ASPH: variants seen among roughly 807,000 people sequenced by gnomAD.
ASPH encodes the protein aspartyl/asparaginyl beta-hydroxylase.
In ASPH, 100 loss-of-function variants were observed where a neutral mutation model predicts 118.4. The ratio of observed to expected loss-of-function variants is 0.84; its 90% CI spans 0.72 to 1.00. The LOEUF is 1.00. Among genes scored for constraint, ASPH ranks in the 50% least tolerant of loss-of-function variants. The probability of loss-of-function intolerance (pLI) is 0.00; values close to 1 mark genes in which losing one functional copy is unlikely to be tolerated. For synonymous variants in ASPH, 315 were observed against 325.6 expected (o/e 0.97, Z 0.35); for missense variants, 920 against 919.5 (o/e 1.00, Z -0.01).
intron 15 of ASPH, chr8:61,579,743 A>G (rs1227102143): frequency 1.1e-5 from 10 of 874,996 alleles, no homozygotes. Context: ...GCCACTATTC[A>G]GGGTAGCACT....
rs73685082 is a variant in ASPH at position 61,546,593 on chromosome 8, G to A, written c.1764+1478C>T. 8.0e-3 allele frequency among the ~76,000 whole-genome samples: 1,220 copies of A among 152,298 alleles called. 13 individuals are homozygous for A. The highest frequency in any genetic ancestry group is 0.028 in the African/African-American group (1,170 of 41,554). On this transcript the variant is annotated intron_variant, in intron 21 of 24. Transcript: ENST00000379454. ...CTGTATTAATTGTCACCATGCCATGGTTCCCTGAGCTATAAAATATTCAAA... is the reference window on the plus strand; with the variant it reads ...CTGTATTAATTGTCACCATGCCATGATTCCCTGAGCTATAAAATATTCAAA...
chr8:61,548,325 T>A (rs1368652487), intron 20 of ASPH, 117 bp from the exon 21 acceptor site: 1 of 1,220,334 alleles, frequency 8.2e-7, no homozygotes, highest in Non-Finnish European at 1.1e-6. Flanking sequence ...AATAAAGAGC[T>A]TACTGCTAGG....
chr8:61,546,577 T>C (rs766872141), intron 21 of ASPH, among the ~76,000 whole-genome samples: 10 of 152,224 alleles, frequency 6.6e-5, no homozygotes, highest in Non-Finnish European at 1.3e-4. Flanking sequence ...TCTGTATTAA[T>C]TGTCACCATG....
chr8:61,648,229 T>C (rs1809041377), intron 5 of ASPH, among the ~76,000 whole-genome samples: 1 of 152,200 alleles, frequency 6.6e-6, no homozygotes, highest in African/African-American at 2.4e-5. Flanking sequence ...TTATCACCAT[T>C]ATTACAGTAA....
chr8:61,712,871 G>A (rs191874097), intron 1 of ASPH, among the ~76,000 whole-genome samples: 1 of 152,178 alleles, frequency 6.6e-6, no homozygotes, highest in Non-Finnish European at 1.5e-5. Context: ...AATAGCTACA[G>A]AAACCTTTTG....
chr8:61,539,408 AAGCTTT>A (rs1820864342), intron 21 of ASPH, among the ~76,000 whole-genome samples: 1 of 152,056 alleles, frequency 6.6e-6, no homozygotes, highest in Non-Finnish European at 1.5e-5. Flanking sequence ...GTTTGTTAAA[AAGCTTT>A]AGAACAGTAA....
chr8:61,604,690 G>A (rs1845060563), intron 14 of ASPH, among the ~76,000 whole-genome samples: 1 of 152,118 alleles, frequency 6.6e-6, no homozygotes, highest in Non-Finnish European at 1.5e-5. Context: ...ACATGTTTTG[G>A]TTGTTAACAG....
intron 1 of ASPH, among the ~76,000 whole-genome samples, chr8:61,703,558 C>T (rs953152549): frequency 2.0e-5 from 3 of 151,534 alleles, no homozygotes; most frequent in African/African-American, 7.3e-5. Context: ...AAATGTTTAA[C>T]AGAAAAATGC....
intron 14 of ASPH, among the ~76,000 whole-genome samples, chr8:61,588,248 A>C (rs796578357): frequency 1.3e-5 from 2 of 152,364 alleles, no homozygotes; most frequent in African/African-American, 4.8e-5. Flanking sequence ...AAGAAAAAGG[A>C]ACACTTACAT....
chr8:61,523,202 C>T (rs1813798813), intron 22 of ASPH, among the ~76,000 whole-genome samples: 1 of 152,122 alleles, frequency 6.6e-6, no homozygotes, highest in Non-Finnish European at 1.5e-5. Flanking sequence ...CTGTCCCTTC[C>T]ACTCCAGAAT....
chr8:61,555,905 G>A lies in ASPH; in HGVS notation c.1536+19C>T, dbSNP rs1034367478. 2 of 1,603,372 alleles carry A rather than the reference G, an allele frequency of 1.2e-6. No individual in the cohort carries two copies. Among genetic ancestry groups the A allele is most frequent in the African/African-American group, 1.3e-5 (1 of 74,724 alleles). On this transcript the variant is annotated intron_variant, in intron 19 of 24. Transcript: ENST00000379454. ...AAGGACTTGAAAGATGAAAGGAGAG[G>A]AGAAGCAGTGAGCATTACCTTTAAA...
In ASPH at chr8:61,503,392, T is replaced by C. The variant is rs1299863005; in HGVS notation, c.2244A>G (p.Thr748=). Residue 748 remains threonine (T), a synonymous_variant, in exon 25 of 25, where the codon ACA becomes ACG. Transcript: ENST00000379454. ...FIVDVWHPEL[T]PQQRRSLPAI ...CTGGAAGGCTGCGTCTCTGCTGTGGTGTCAGTTCCGGATGCCACACATCCA... is the reference window on the plus strand; with the variant it reads ...CTGGAAGGCTGCGTCTCTGCTGTGGCGTCAGTTCCGGATGCCACACATCCA... 1.9e-6 allele frequency: 3 copies of C among 1,611,596 alleles called. No individual in the cohort carries two copies. Among genetic ancestry groups the C allele is most frequent in the Non-Finnish European group, 2.5e-6 (3 of 1,178,970 alleles).
intron 3 of ASPH, chr8:61,659,577 G>A (rs1206722913): frequency 6.6e-6 from 1 of 152,200 alleles, no homozygotes; most frequent in African/African-American, 2.4e-5. Flanking sequence ...GGCTTACAGA[G>A]CTCTTGCAGA....
chr8:61,631,363 G>A (rs1191190790), intron 13 of ASPH, among the ~76,000 whole-genome samples: 2 of 152,094 alleles, frequency 1.3e-5, no homozygotes, highest in African/African-American at 4.8e-5. Context: ...CTCATGAAGT[G>A]CCCTATACAG....
chr8:61,669,287 C>T (rs912384882), intron 3 of ASPH, among the ~76,000 whole-genome samples: 1 of 152,148 alleles, frequency 6.6e-6, no homozygotes, highest in South Asian at 2.1e-4. Flanking sequence ...CTATTGATAG[C>T]AATTTGTATC....
At chr8:61,665,344 C>A in intron 3 of ASPH, 1 of 1,613,788 alleles carries the variant, frequency 6.2e-7, no homozygotes, top group Middle Eastern at 1.7e-4. Context: ...CTCGGGATGC[C>A]ATTTTACTAG....
chr8:61,695,182 C>T (rs1326358558), intron 1 of ASPH, among the ~76,000 whole-genome samples: 2 of 152,252 alleles, frequency 1.3e-5, no homozygotes, highest in African/African-American at 2.4e-5. Context: ...TCCAAGTTAT[C>T]ATCATCTCCT....
chr8:61,658,842 A>G (rs1815200478), intron 3 of ASPH: 1 of 152,158 alleles, frequency 6.6e-6, no homozygotes, highest in Non-Finnish European at 1.5e-5. Context: ...CACCTGAAAT[A>G]TTTTTAGATA....
chr8:61,644,039 A>C, intron 7 of ASPH, 38 bp from the exon 8 acceptor site: 128 of 1,450,022 alleles, frequency 8.8e-5, no homozygotes, highest in Middle Eastern at 1.7e-4. Context: ...TACGTCTCAA[A>C]TAAGGAATAC....
Sources: gnomAD v4.1 joint callset for allele counts (sites outside exome capture counted in the v4.1 genomes callset) on GRCh38, gnomAD v4.1.1 for gene constraint, MANE v1.5 for transcripts, NCBI Gene and HGNC (gene_info 2026-07-23, HGNC 2026-07-21) for gene names.